The following DIAPH3 variants were observed in gnomAD, a reference collection of about 807,000 sequenced individuals.
The protein encoded by DIAPH3 is protein diaphanous homolog 3.
Under a neutral mutation model 144.3 loss-of-function variants are expected in DIAPH3, and 117 were observed. That is an observed-to-expected ratio of 0.81 (90% CI 0.70 to 0.95). The LOEUF is 0.95. Among genes scored for constraint, DIAPH3 ranks in the 40% least tolerant of loss-of-function variants. The pLI is 0.00. For missense variants in DIAPH3, 1,421 were observed against 1,412.7 expected, an observed-to-expected ratio of 1.01 and a Z score of -0.09; for synonymous variants, 519 against 488.9, an observed-to-expected ratio of 1.06 and a Z score of -0.81.
At chr13:59,826,647 CCAAT>C (rs2041447886) in intron 24 of DIAPH3, among the ~76,000 whole-genome samples, 1 of 151,454 alleles carries the variant, frequency 6.6e-6, no homozygotes, top group East Asian at 1.9e-4. Flanking sequence ...CATCAAGCTA[CCAAT>C]GACTTTCTTC....
intron 17 of DIAPH3, among the ~76,000 whole-genome samples, chr13:59,931,053 C>T (rs919209900): frequency 2.6e-5 from 4 of 152,182 alleles, no homozygotes; most frequent in African/African-American, 9.6e-5. Context: ...AAACTCCTGA[C>T]ATATACGTGC....
chr13:60,002,099 A>G lies in DIAPH3; in HGVS notation c.1014+6445T>C, dbSNP rs1042880094. Among the ~76,000 whole-genome samples the G allele has an allele frequency of 2.0e-5, 3 of 152,330 alleles. No individual in the cohort carries two copies. In the East Asian group the frequency reaches 5.8e-4, roughly 29 times the overall value. The stretch of plus-strand genomic sequence containing the variant: ...TGTATCTGAATTAACACCTCGGGCC[A>G]AGTGGAAAGATGAATCAAAAAATTT... On this transcript the variant is annotated intron_variant, in intron 9 of 27. Transcript: ENST00000400324.
At chr13:60,089,743 A>G (rs1265220606) in intron 4 of DIAPH3, among the ~76,000 whole-genome samples, 1 of 152,196 alleles carries the variant, frequency 6.6e-6, no homozygotes, top group Non-Finnish European at 1.5e-5. Context: ...ATCTGAGTTG[A>G]GTCATTTACC....
At chr13:59,989,888 A>C (rs905314937) in intron 12 of DIAPH3, among the ~76,000 whole-genome samples, 3 of 151,872 alleles carry the variant, frequency 2.0e-5, no homozygotes, top group Admixed American at 6.6e-5. Context: ...TGGGTACTCA[A>C]ACAGCATCAA....
chr13:59,964,910 T>C (rs1281464171), intron 17 of DIAPH3, among the ~76,000 whole-genome samples: 1 of 152,194 alleles, frequency 6.6e-6, no homozygotes, highest in Non-Finnish European at 1.5e-5. Flanking sequence ...GAAACTTTAC[T>C]ATCTATAAAA....
At chr13:59,818,036 G>A (rs1158876392) in intron 24 of DIAPH3, among the ~76,000 whole-genome samples, 3 of 151,808 alleles carry the variant, frequency 2.0e-5, no homozygotes, top group Non-Finnish European at 4.4e-5. Flanking sequence ...AACCTTTAGA[G>A]CAGAGGCTAT....
At chr13:60,074,757 T>C (rs1342347670) in intron 4 of DIAPH3, among the ~76,000 whole-genome samples, 1 of 152,224 alleles carries the variant, frequency 6.6e-6, no homozygotes, top group African/African-American at 2.4e-5. Flanking sequence ...AATTGGTTCA[T>C]ACTATACATA....
chr13:60,150,044 C>G (rs1156425204), intron 1 of DIAPH3, among the ~76,000 whole-genome samples: 1 of 152,020 alleles, frequency 6.6e-6, no homozygotes, highest in Non-Finnish European at 1.5e-5. Flanking sequence ...TTTTTTGAGA[C>G]AGGATCCCGC....
chr13:59,770,556 A>C (rs1357011567), intron 27 of DIAPH3, among the ~76,000 whole-genome samples: 1 of 152,242 alleles, frequency 6.6e-6, no homozygotes, highest in Middle Eastern at 3.4e-3. Context: ...GGGGTTCAGA[A>C]AGGACCTCCT....
chr13:59,841,476 C>G (rs2042340976), intron 22 of DIAPH3, among the ~76,000 whole-genome samples: 1 of 151,976 alleles, frequency 6.6e-6, no homozygotes, highest in African/African-American at 2.4e-5. Flanking sequence ...TGCCTGTAGT[C>G]CCAGCTAATA....
At chr13:59,824,416 T>C (rs2139658568) in intron 24 of DIAPH3, among the ~76,000 whole-genome samples, 1 of 152,290 alleles carries the variant, frequency 6.6e-6, no homozygotes, top group Admixed American at 6.5e-5. Context: ...AACTCCAAGA[T>C]GCTCTGATGC....
chr13:60,049,108 T>C (rs1173763859), intron 4 of DIAPH3, among the ~76,000 whole-genome samples: 5 of 152,158 alleles, frequency 3.3e-5, no homozygotes, highest in Non-Finnish European at 7.4e-5. Context: ...TACTGATAAA[T>C]GCAACAAGAC....
chr13:60,056,744 G>C (rs2056574977), intron 4 of DIAPH3, among the ~76,000 whole-genome samples: 1 of 151,746 alleles, frequency 6.6e-6, no homozygotes, highest in Non-Finnish European at 1.5e-5. Context: ...AAGGACAAAG[G>C]AACTAGCTTG....
intron 20 of DIAPH3, among the ~76,000 whole-genome samples, chr13:59,885,469 A>AAG (rs1360131141): frequency 6.6e-6 from 1 of 151,052 alleles, no homozygotes; most frequent in Non-Finnish European, 1.5e-5. Context: ...AAAAAAAAAA[A>AAG]AGACTGAGAT....
chr13:59,987,312 C>T, intron 12 of DIAPH3, among the ~76,000 whole-genome samples: 1 of 140,018 alleles, frequency 7.1e-6, no homozygotes, highest in Admixed American at 7.3e-5. Context: ...ATATCACACT[C>T]TGGGGACTGT....
intron 17 of DIAPH3, among the ~76,000 whole-genome samples, chr13:59,945,338 T>C (rs1209007853): frequency 2.0e-5 from 3 of 152,188 alleles, no homozygotes; most frequent in African/African-American, 7.2e-5. Flanking sequence ...TTATTTTCTG[T>C]CTTCTCCATT....
At chr13:60,033,279 A>T (rs1374082686) in intron 5 of DIAPH3, among the ~76,000 whole-genome samples, 1 of 152,212 alleles carries the variant, frequency 6.6e-6, no homozygotes, top group African/African-American at 2.4e-5. Flanking sequence ...CCCATCACCC[A>T]GTACCAAAGT....
chr13:60,010,538 T>C lies in DIAPH3; in HGVS notation c.903A>G (p.Glu301=). 1 of 1,592,872 alleles carries C rather than the reference T, an allele frequency of 6.3e-7. No homozygotes were observed. Among genetic ancestry groups the C allele is most frequent in the Non-Finnish European group, 8.6e-7 (1 of 1,166,648 alleles). ...AATATGTTGATAACACTTACATGCT[T>C]TCTTCCCCTACAATGCATACCGCAG... ...LLSAVCIVGE[E]SILEEVLEAL... The change falls in exon 8 of 28, where the codon GAA becomes GAG. Residue 301 remains glutamate (E), a synonymous_variant. Transcript: ENST00000400324.
At chr13:60,158,513 G>A (rs1952131273) in intron 1 of DIAPH3, among the ~76,000 whole-genome samples, 1 of 152,128 alleles carries the variant, frequency 6.6e-6, no homozygotes, top group South Asian at 2.1e-4. Flanking sequence ...ATCTCCATGT[G>A]CTGACCATAT....
Sources: allele counts gnomAD v4.1 joint callset (sites outside exome capture counted in the v4.1 genomes callset), GRCh38; gene constraint gnomAD v4.1.1; transcripts MANE v1.5; gene names NCBI Gene and HGNC (gene_info 2026-07-23, HGNC 2026-07-21).